The following PIGQ variants were observed in gnomAD, a reference collection of about 807,000 sequenced individuals.
The protein encoded by PIGQ is phosphatidylinositol glycan anchor biosynthesis class Q.
Under a neutral mutation model 60.3 loss-of-function variants are expected in PIGQ, and 54 were observed. The observed-to-expected ratio is 0.90, with a 90% CI of 0.72 to 1.12. The LOEUF (loss-of-function observed/expected upper bound fraction) is 1.12. Ranked by LOEUF, PIGQ falls within the 50% of genes most tolerant of loss-of-function variation. The pLI, the probability that PIGQ is intolerant of heterozygous loss-of-function variation, is 0.00. For synonymous variants in PIGQ, 416 were observed against 363.7 expected (o/e 1.14, Z -1.64); for missense variants, 799 against 793.5 (o/e 1.01, Z -0.08).
At chr16:577,854 G>A (rs1326153799) in intron 4 of PIGQ, 1 of 152,954 alleles carries the variant, frequency 6.5e-6, no homozygotes. Flanking sequence ...CCTCCCTCTG[G>A]GGACCTGTCC....
Position 579,397 on chromosome 16 carries a change from C to A in PIGQ, c.1335+217C>A, listed in dbSNP as rs2035776545. On this transcript the variant is annotated intron_variant, in intron 7 of 10. Coordinates refer to ENST00000321878, the MANE Select transcript of PIGQ (RefSeq NM_004204.5). ...CTGGGCCACAGAGAAGAGACAGACACACAGCCCCGAAGGTGGTGCAGGCAC... is the reference window on the plus strand; with the variant it reads ...CTGGGCCACAGAGAAGAGACAGACAAACAGCCCCGAAGGTGGTGCAGGCAC... 10 of 583,454 alleles carry A rather than the reference C, an allele frequency of 1.7e-5. No individual in the cohort carries two copies. In the East Asian group the frequency reaches 2.9e-4, roughly 17 times the overall value. The allele number at this position is 583,454 out of a possible 1,614,324, so 36.1% of individuals were successfully genotyped here.
At chr16:571,820 G>T (rs1227104746) in intron 1 of PIGQ, among the ~76,000 whole-genome samples, 1 of 151,934 alleles carries the variant, frequency 6.6e-6, no homozygotes, top group Non-Finnish European at 1.5e-5. Context: ...CCCACAGTAC[G>T]TTGAGTTTTC....
chr16:571,611 C>CGTGTGT (rs4006749), intron 1 of PIGQ, among the ~76,000 whole-genome samples: 4 of 125,034 alleles, frequency 3.2e-5, no homozygotes, highest in Non-Finnish European at 5.0e-5. Flanking sequence ...GCCTGGCGCC[C>CGTGTGT]GTGTGTGTGT....
chr16:572,527 AC>A (rs2035649479), intron 1 of PIGQ: 1 of 455,416 alleles, frequency 2.2e-6, no homozygotes, highest in African/African-American at 2.0e-5. Context: ...AGGTCACACC[AC>A]CCCGACGTGT....
intron 3 of PIGQ, 33 bp downstream of exon 3, chr16:576,003 G>A (rs768173307): frequency 1.3e-6 from 2 of 1,564,750 alleles, no homozygotes; most frequent in African/African-American, 1.4e-5. Flanking sequence ...GCAGGGCTGG[G>A]TGCGTGCCCT....
Position 583,967 on chromosome 16 carries a change from C to T in PIGQ, c.*932C>T, listed in dbSNP as rs745559115. 4.8e-5 allele frequency: 20 copies of T among 412,850 alleles called. 1 individual carries two copies. The highest frequency in any genetic ancestry group is 6.3e-5 in the South Asian group (3 of 47,606). The allele number at this position is 412,850 out of a possible 1,614,324, so 25.6% of individuals were successfully genotyped here. ...CTTCAGGAGGGGAGCCTGCAGGTGC[C>T]GGCTGGTGAGGGGATGACGCGCTGT... On this transcript the variant is annotated 3_prime_UTR_variant, in exon 11 of 11. Transcript: ENST00000321878.
At chr16:581,067 C>A in intron 9 of PIGQ, 95 bp downstream of exon 9, 2 of 1,330,760 alleles carry the variant, frequency 1.5e-6, no homozygotes, top group Non-Finnish European at 2.2e-6. Flanking sequence ...GGCCACTGTG[C>A]CTCCAGCCTG....
At chr16:577,734 G>T (rs957337217) in intron 4 of PIGQ, among the ~76,000 whole-genome samples, 4 of 152,214 alleles carry the variant, frequency 2.6e-5, no homozygotes, top group Non-Finnish European at 5.9e-5. Context: ...GCTCCCTTGG[G>T]GTCTGCCCGC....
chr16:582,139 G>T, intron 9 of PIGQ, 109 bp from the exon 10 acceptor site: 1 of 822,170 alleles, frequency 1.2e-6, no homozygotes, highest in Non-Finnish European at 2.0e-6. Context: ...GGGTGGCCAC[G>T]GCCAGCAGCA....
intron 9 of PIGQ, chr16:581,175 C>T (rs1596387264): frequency 6.9e-7 from 1 of 1,447,270 alleles, no homozygotes. Context: ...TGGAGAGAGA[C>T]TCAGAGACTC....
chr16:571,929 A>C lies in PIGQ; in HGVS notation c.-10+1833A>C, dbSNP rs2035635824. 2.0e-5 allele frequency among the ~76,000 whole-genome samples: 3 copies of C among 151,828 alleles called. No homozygotes were observed. In the South Asian group the frequency reaches 6.2e-4, roughly 32 times the overall value. On this transcript the variant is annotated intron_variant, in intron 1 of 10. Transcript: ENST00000321878. Reference sequence around the variant, plus strand: ...TTAAGGTAAACTTTGTAGATGAAGCACAAAGAATACACACAAAGAAAGCGC... The same window carrying C: ...TTAAGGTAAACTTTGTAGATGAAGCCCAAAGAATACACACAAAGAAAGCGC...
chr16:582,939 C>T lies in PIGQ; in HGVS notation c.1650C>T (p.Gly550=). ...ACACCTACCGCCTCCCCAGCTGTGG[C>T]TGCCACCCCAAGCACTCCTGGGGCG... ...VVHTYRLPSC[G]CHPKHSWGAL... The change falls in exon 11 of 11, where the codon GGC becomes GGT. Residue 550 remains glycine (G), a synonymous_variant. Coordinates refer to ENST00000321878, the MANE Select transcript of PIGQ (RefSeq NM_004204.5). 1 of 1,612,800 alleles carries T rather than the reference C, an allele frequency of 6.2e-7. No individual in the cohort carries two copies. Among genetic ancestry groups the T allele is most frequent in the Non-Finnish European group, 8.5e-7 (1 of 1,179,858 alleles).
intron 10 of PIGQ, 98 bp downstream of exon 10, chr16:582,407 C>T: frequency 2.3e-6 from 2 of 881,284 alleles, no homozygotes; most frequent in South Asian, 3.3e-5. Flanking sequence ...CCACGCCAGC[C>T]TGCGATGAGG....
At chr16:579,498 G>A (rs1309219223) in intron 7 of PIGQ, 1 of 77,786 alleles carries the variant, frequency 1.3e-5, no homozygotes, top group African/African-American at 5.9e-5. Flanking sequence ...CGGGCCCGGA[G>A]ACTAGAGGTG....
At position 573,390 on chromosome 16, in the gene PIGQ, T is replaced by C. The variant is rs537627077; in HGVS notation, c.-9-676T>C. ...TCAGGGAGGGCCAGGCACTGCCGGGTGCCACCGTGGGCGGGGGTCAGAGTG... is the reference window on the plus strand; with the variant it reads ...TCAGGGAGGGCCAGGCACTGCCGGGCGCCACCGTGGGCGGGGGTCAGAGTG... On this transcript the variant is annotated intron_variant, in intron 1 of 10. Coordinates refer to ENST00000321878, the MANE Select transcript of PIGQ (RefSeq NM_004204.5). Among the ~76,000 whole-genome samples, 651 of 151,856 alleles carry C rather than the reference T, an allele frequency of 4.3e-3. 4 individuals are homozygous for C. The highest frequency in any genetic ancestry group is 7.1e-3 in the Non-Finnish European group (485 of 67,934).
At chr16:575,328 T>C (rs903328160) in intron 2 of PIGQ, among the ~76,000 whole-genome samples, 1 of 152,230 alleles carries the variant, frequency 6.6e-6, no homozygotes, top group Non-Finnish European at 1.5e-5. Flanking sequence ...AGCCCCGAGC[T>C]GTGGCTGAGA....
chr16:579,010 T>TGGGGCGGGGGCGGGGCGGGGCGGGGC (rs1555452313), intron 6 of PIGQ, 59 bp from the exon 7 acceptor site: 1 of 426,872 alleles, frequency 2.3e-6, no homozygotes, highest in East Asian at 1.2e-4. Flanking sequence ...GGCGTTCGAG[T>TGGGGCGGGGGCGGGGCGGGGCGGGGC]GGGGCGGGGG....
intron 4 of PIGQ, chr16:576,583 C>T (rs2035723022): frequency 2.0e-6 from 1 of 505,376 alleles, no homozygotes; most frequent in Non-Finnish European, 3.5e-6. Context: ...GCGTTGCCCT[C>T]CTGGCTCTCT....
chr16:573,040 C>T (rs996653176), intron 1 of PIGQ, among the ~76,000 whole-genome samples: 1 of 152,242 alleles, frequency 6.6e-6, no homozygotes, highest in Non-Finnish European at 1.5e-5. Context: ...CTAGGGAGTC[C>T]TCCTGCCCTG....
Sources: allele counts gnomAD v4.1 joint callset (sites outside exome capture counted in the v4.1 genomes callset), GRCh38; gene constraint gnomAD v4.1.1; transcripts MANE v1.5; gene names NCBI Gene and HGNC (gene_info 2026-07-23, HGNC 2026-07-21).